Variants in SHOX observed in about 807,000 individuals in gnomAD.
SHOX encodes short stature homeobox protein.
A neutral mutation model predicts 29.6 loss-of-function variants in SHOX; 12 were observed. The observed-to-expected ratio is 0.41, with a 90% CI of 0.26 to 0.66. SHOX has a LOEUF of 0.66. Among genes scored for constraint, SHOX ranks in the 30% least tolerant of loss-of-function variants. The pLI is 0.35. For missense variants in SHOX, 499 were observed against 437.7 expected (o/e 1.14, Z -1.25); for synonymous variants, 214 against 200.6 (o/e 1.07, Z -0.57).
At chrX:653,817 A>C (rs551126310), downstream of SHOX, among the ~76,000 whole-genome samples, 9 of 152,298 alleles carry the variant, frequency 5.9e-5, no homozygotes, top group African/African-American at 1.9e-4. Context: ...CATGTTTAAT[A>C]GCAGACAATG....
chrX:635,442 G>T (rs1456815962), intron 2 of SHOX, among the ~76,000 whole-genome samples: 1 of 152,082 alleles, frequency 6.6e-6, no homozygotes, highest in Non-Finnish European at 1.5e-5. Flanking sequence ...TCTTTCCTCC[G>T]TTTTTTCACC....
rs1346126997 is a variant in SHOX at position 648,680 on chromosome X, G to C, written c.*4044G>C. On this transcript the variant is annotated 3_prime_UTR_variant, in exon 5 of 5. Coordinates refer to ENST00000686671, the MANE Select transcript of SHOX (RefSeq NM_000451.4). Reference sequence around the variant, plus strand: ...AGAGAACTGTGAGGGTGGGACACGAGTGTCTGTGGACACTGGCTGCCTTTG... The same window carrying C: ...AGAGAACTGTGAGGGTGGGACACGACTGTCTGTGGACACTGGCTGCCTTTG... Among the ~76,000 whole-genome samples, 1 of 152,220 alleles carries C rather than the reference G, an allele frequency of 6.6e-6. No homozygotes were observed. The highest frequency in any genetic ancestry group is 1.5e-5 in the Non-Finnish European group (1 of 68,028).
chrX:640,563 G>C (rs146248433), intron 2 of SHOX, among the ~76,000 whole-genome samples: 1 of 152,208 alleles, frequency 6.6e-6, no homozygotes, highest in South Asian at 2.1e-4. Context: ...GCGACAGAGC[G>C]AGACTTGATT....
Position 625,600 on chromosome X carries a change from C to T in SHOX, c.-433+998C>T, listed in dbSNP as rs1569491949. On this transcript the variant is annotated intron_variant, in intron 1 of 5. Transcript: ENST00000334060. ...CATCTCTGTCTCTCTTTCTCTCTCT[C>T]CTCTCTCTCTTTTTCTCTGTCTCTG... Among the ~76,000 whole-genome samples the T allele has an allele frequency of 2.0e-5, 3 of 149,502 alleles. 1 individual carries two copies. The highest frequency in any genetic ancestry group is 7.4e-5 in the African/African-American group (3 of 40,300).
At chrX:636,350 A>ATATAAACATATAAATC (rs2052750495) in intron 2 of SHOX, among the ~76,000 whole-genome samples, 1 of 141,476 alleles carries the variant, frequency 7.1e-6, no homozygotes, top group Admixed American at 7.2e-5. Context: ...ATATATAAAT[A>ATATAAACATATAAATC]TATAAACATA....
At chrX:626,848 CTCTCTGTCTG>C (rs1441065052), upstream of SHOX, among the ~76,000 whole-genome samples, 6 of 150,174 alleles carry the variant, frequency 4.0e-5, no homozygotes, top group Non-Finnish European at 8.9e-5. Flanking sequence ...CTGTCTCTGT[CTCTCTGTCTG>C]TCTCTGTCTC....
intron 1 of SHOX, among the ~76,000 whole-genome samples, chrX:633,763 T>G (rs2052689558): frequency 6.6e-6 from 1 of 152,054 alleles, no homozygotes; most frequent in African/African-American, 2.4e-5. Context: ...GAGATGCCAC[T>G]TCCACCAGCC....
intron 2 of SHOX, among the ~76,000 whole-genome samples, chrX:638,274 G>A (rs1569494263): frequency 6.6e-6 from 1 of 150,956 alleles, no homozygotes; most frequent in Admixed American, 6.6e-5. Flanking sequence ...TTTTCCTCTC[G>A]CCGTGTTGAA....
At chrX:631,399 G>A (rs2052646106) in intron 1 of SHOX, among the ~76,000 whole-genome samples, 1 of 152,206 alleles carries the variant, frequency 6.6e-6, no homozygotes, top group Admixed American at 6.5e-5. Flanking sequence ...ACCCAGGGAG[G>A]GTCGCAGCGG....
At chrX:632,442 GT>G (rs1303171458) in intron 1 of SHOX, among the ~76,000 whole-genome samples, 2 of 152,200 alleles carry the variant, frequency 1.3e-5, no homozygotes, top group East Asian at 1.9e-4. Flanking sequence ...CGCCTGTTAT[GT>G]TTTCATTACA....
At position 644,977 on chromosome X, in the gene SHOX, C is replaced by G. The variant is rs1294955962; in HGVS notation, c.*341C>G. The G allele has an allele frequency of 1.3e-5, 4 of 318,688 alleles. No individual in the cohort carries two copies. Among genetic ancestry groups the G allele is most frequent in the Non-Finnish European group, 2.3e-5 (4 of 176,250 alleles). 19.7% of individuals were successfully genotyped at this position (318,688 alleles called of 1,614,324 possible). A position where few individuals can be genotyped will look rare whatever the true frequency, so the allele number is the denominator to read the frequency against. On this transcript the variant is annotated 3_prime_UTR_variant, in exon 5 of 5. Coordinates refer to ENST00000686671, the MANE Select transcript of SHOX (RefSeq NM_000451.4). ...TGCTATACCCTATGCATGCGGTTAA[C>G]TACACACGTTTGGAAGATCCTTAGA...
chrX:650,332 TCCC>T lies in SHOX; in HGVS notation c.*5697_*5699del, dbSNP rs1262084053. 7.6e-6 allele frequency among the ~76,000 whole-genome samples: 1 copy of T among 131,382 alleles called. No individual in the cohort carries two copies. The highest frequency in any genetic ancestry group is 2.5e-4 in the East Asian group (1 of 4,050). The allele number at this position is 131,382 out of a possible 152,430, so 86.2% of individuals were successfully genotyped here. On this transcript the variant is annotated 3_prime_UTR_variant, in exon 5 of 5. Transcript: ENST00000686671. ...CCCTGTCGTAGGAATGGCCTCTCCA[TCCC>T]GCCAAAGTCCAGCCAGGCCCCCGAA...
chrX:639,578 G>A (rs73607271), intron 2 of SHOX, among the ~76,000 whole-genome samples: 4,506 of 152,290 alleles, frequency 0.03, 197 homozygotes, highest in African/African-American at 0.1. Flanking sequence ...GTTGGGGGGC[G>A]GGGCGCCCAC....
intron 2 of SHOX, 66 bp from the exon 3 acceptor site, chrX:640,755 A>G: frequency 1.3e-6 from 2 of 1,577,848 alleles, no homozygotes; most frequent in South Asian, 2.2e-5. Flanking sequence ...CATGGGAAGG[A>G]TGCTCCCTGG....
chrX:648,992 CT>C lies in SHOX; in HGVS notation c.*4357del, dbSNP rs2053009871. ...TTTTTATCTTTCTCTCTTTTTCTTT[CT>C]CTTTTCCTTTTTTGTTTCTTTCTTT... On this transcript the variant is annotated 3_prime_UTR_variant, in exon 5 of 5. Coordinates refer to ENST00000686671, the MANE Select transcript of SHOX (RefSeq NM_000451.4). Among the ~76,000 whole-genome samples the C allele has an allele frequency of 4.3e-5, 6 of 140,962 alleles. No individual in the cohort carries two copies. Among genetic ancestry groups the C allele is most frequent in the South Asian group, 2.3e-4 (1 of 4,364 alleles). 92.5% of individuals were successfully genotyped at this position (140,962 alleles called of 152,430 possible). A position where few individuals can be genotyped will look rare whatever the true frequency, so the allele number is the denominator to read the frequency against.
At chrX:626,791 GTATCTCTATC>G (rs1208582907), upstream of SHOX, among the ~76,000 whole-genome samples, 7 of 120,902 alleles carry the variant, frequency 5.8e-5, no homozygotes, top group African/African-American at 2.0e-4. Flanking sequence ...CTCTGTCTCT[GTATCTCTATC>G]TCTGTCTCTC....
downstream of SHOX, among the ~76,000 whole-genome samples, chrX:654,896 CAGGCTGGTTTTGAGCTCCCG>C (rs2053116096): frequency 1.0e-5 from 1 of 97,498 alleles, no homozygotes; most frequent in Admixed American, 8.6e-5. Context: ...CCATGTTGGC[CAGGCTGGTTTTGAGCTCCCG>C]ACCTCGGGTG....
rs17148912 is a variant in SHOX at position 651,024 on chromosome X, A to C, written c.*6388A>C. 6.6e-6 allele frequency among the ~76,000 whole-genome samples: 1 copy of C among 152,036 alleles called. No homozygotes were observed. Among genetic ancestry groups the C allele is most frequent in the Non-Finnish European group, 1.5e-5 (1 of 67,982 alleles). ...AAAGGGGATGTGGCTTCACGAGTTCAGCCCATTGTACGTGCAGGTCCCGTG... is the reference window on the plus strand; with the variant it reads ...AAAGGGGATGTGGCTTCACGAGTTCCGCCCATTGTACGTGCAGGTCCCGTG... On this transcript the variant is annotated 3_prime_UTR_variant, in exon 5 of 5. Coordinates refer to ENST00000686671, the MANE Select transcript of SHOX (RefSeq NM_000451.4).
chrX:636,947 A>ATATATATATATATAT (rs1569494124), intron 2 of SHOX, among the ~76,000 whole-genome samples: 1 of 78,954 alleles, frequency 1.3e-5, no homozygotes, highest in African/African-American at 6.4e-5. Flanking sequence ...TTCATTTAAA[A>ATATATATATATATAT]ATATATATAT....
Sources: gnomAD v4.1 joint callset for allele counts (sites outside exome capture counted in the v4.1 genomes callset) on GRCh38, gnomAD v4.1.1 for gene constraint, MANE v1.5 for transcripts, NCBI Gene and HGNC (gene_info 2026-07-23, HGNC 2026-07-21) for gene names.